UST: variants seen among roughly 807,000 people sequenced by gnomAD.
The protein encoded by UST is chondroitin sulfate 2-O-sulfotransferase.
A neutral mutation model predicts 45.6 loss-of-function variants in UST; 21 were observed. The observed-to-expected ratio is 0.46, with a 90% CI of 0.33 to 0.66. The LOEUF (loss-of-function observed/expected upper bound fraction) is 0.66. UST is among the 30% of genes least tolerant of loss of function. The pLI is 0.02. For missense variants in UST, 463 were observed against 512.4 expected (o/e 0.90, Z 0.93); for synonymous variants, 215 against 200.6 (o/e 1.07, Z -0.61).
chr6:148,981,382 G>A (rs1384602253), intron 5 of UST, among the ~76,000 whole-genome samples: 1 of 152,182 alleles, frequency 6.6e-6, no homozygotes, highest in African/African-American at 2.4e-5. Flanking sequence ...CAGAAACCTT[G>A]TTCTTAACCA....
At chr6:148,807,627 G>A (rs1777175819) in intron 1 of UST, among the ~76,000 whole-genome samples, 1 of 152,134 alleles carries the variant, frequency 6.6e-6, no homozygotes, top group Non-Finnish European at 1.5e-5. Context: ...GCAACTCAGG[G>A]TGAGACAGTG....
chr6:148,850,912 A>G (rs75024784), intron 1 of UST, among the ~76,000 whole-genome samples: 5,096 of 152,168 alleles, frequency 0.033, 283 homozygotes, highest in African/African-American at 0.12. Context: ...TCTACTGGCA[A>G]CTCTCATGGG....
chr6:149,073,767 C>G, intron 7 of UST, 66 bp from the exon 8 acceptor site: 1 of 1,559,218 alleles, frequency 6.4e-7, no homozygotes, highest in South Asian at 1.2e-5. Context: ...TAATGTGGGT[C>G]CTCGCCGGGA....
chr6:149,035,730 C>T (rs556575980), intron 7 of UST, among the ~76,000 whole-genome samples: 21 of 151,300 alleles, frequency 1.4e-4, no homozygotes, highest in African/African-American at 3.2e-4. Context: ...TGTGCCACTG[C>T]GCTTCAGCCT....
chr6:148,851,296 C>T (rs867195587), intron 1 of UST, among the ~76,000 whole-genome samples: 6 of 151,588 alleles, frequency 4.0e-5, no homozygotes, highest in African/African-American at 9.8e-5. Flanking sequence ...CATATATATA[C>T]GTACACATTT....
chr6:149,072,857 T>A (rs1776839182), intron 7 of UST, among the ~76,000 whole-genome samples: 1 of 151,692 alleles, frequency 6.6e-6, no homozygotes, highest in African/African-American at 2.4e-5. Context: ...TAGGGTGGGG[T>A]AAGGAAAGGA....
chr6:149,047,787 T>A (rs1776415442), intron 7 of UST, among the ~76,000 whole-genome samples: 1 of 152,256 alleles, frequency 6.6e-6, no homozygotes, highest in Non-Finnish European at 1.5e-5. Context: ...TATTTTTTTT[T>A]AGCTTAAAGT....
intron 5 of UST, among the ~76,000 whole-genome samples, chr6:149,017,385 A>C (rs1775919293): frequency 6.6e-6 from 1 of 151,868 alleles, no homozygotes; most frequent in Non-Finnish European, 1.5e-5. Flanking sequence ...AAAAAAAAAA[A>C]CAAAAAAAGT....
At chr6:148,814,825 A>G (rs1340493020) in intron 1 of UST, among the ~76,000 whole-genome samples, 1 of 152,168 alleles carries the variant, frequency 6.6e-6, no homozygotes, top group Admixed American at 6.5e-5. Flanking sequence ...TGGGGGCTTC[A>G]CTGGTATAGA....
intron 2 of UST, among the ~76,000 whole-genome samples, chr6:148,927,102 C>T (rs1203582183): frequency 6.6e-6 from 1 of 151,732 alleles, no homozygotes; most frequent in Non-Finnish European, 1.5e-5. Context: ...ATTCAGTTGT[C>T]CTTACGTCCC....
At chr6:149,056,074 A>G (rs984127922) in intron 7 of UST, among the ~76,000 whole-genome samples, 2 of 148,450 alleles carry the variant, frequency 1.3e-5, no homozygotes, top group African/African-American at 2.5e-5. Context: ...ATCAGTATCC[A>G]TATCAAACAT....
intron 5 of UST, among the ~76,000 whole-genome samples, chr6:148,982,373 A>G (rs545632679): frequency 6.6e-6 from 1 of 152,274 alleles, no homozygotes; most frequent in African/African-American, 2.4e-5. Context: ...TGCTGGGATT[A>G]CTGGCATGAA....
At chr6:148,953,718 A>G (rs529301420) in intron 3 of UST, among the ~76,000 whole-genome samples, 154 bp from the exon 4 acceptor site, 41 of 149,122 alleles carry the variant, frequency 2.7e-4, no homozygotes, top group African/African-American at 8.7e-4. Flanking sequence ...CTTGCAGTGA[A>G]CCGAGATCGA....
At chr6:148,928,772 G>A (rs1380383145) in intron 2 of UST, among the ~76,000 whole-genome samples, 2 of 152,198 alleles carry the variant, frequency 1.3e-5, no homozygotes, top group Non-Finnish European at 2.9e-5. Context: ...TTTCATCTGA[G>A]AGCAATTTAA....
intron 7 of UST, among the ~76,000 whole-genome samples, chr6:149,060,458 C>G (rs1332715268): frequency 6.6e-6 from 1 of 152,120 alleles, no homozygotes; most frequent in African/African-American, 2.4e-5. Context: ...GGAGGCAGCC[C>G]TAGGGAGTCC....
At chr6:148,980,341 C>T (rs113061383) in intron 5 of UST, among the ~76,000 whole-genome samples, 53 of 152,296 alleles carry the variant, frequency 3.5e-4, no homozygotes, top group African/African-American at 1.2e-3. Context: ...ACGGCTGCTG[C>T]CAACACCACA....
chr6:148,883,036 C>A (rs767954091), intron 1 of UST, among the ~76,000 whole-genome samples: 1 of 152,172 alleles, frequency 6.6e-6, no homozygotes, highest in African/African-American at 2.4e-5. Context: ...CATGCGTATC[C>A]GCGCATCTCA....
At chr6:149,030,676 C>T (rs1776126386) in intron 7 of UST, among the ~76,000 whole-genome samples, 1 of 151,282 alleles carries the variant, frequency 6.6e-6, no homozygotes, top group Admixed American at 6.6e-5. Flanking sequence ...TTTTCAGCAG[C>T]CATGTCCCAG....
intron 5 of UST, among the ~76,000 whole-genome samples, chr6:148,973,607 T>C (rs1306906795): frequency 6.6e-6 from 1 of 152,250 alleles, no homozygotes; most frequent in Non-Finnish European, 1.5e-5. Flanking sequence ...ATGGCTCCAT[T>C]TAACTTTGTT....
Sources: allele counts gnomAD v4.1 joint callset (sites outside exome capture counted in the v4.1 genomes callset), GRCh38; gene constraint gnomAD v4.1.1; transcripts MANE v1.5; gene names NCBI Gene and HGNC (gene_info 2026-07-23, HGNC 2026-07-21).